Variants in CACNB2 observed in about 807,000 individuals in gnomAD.
CACNB2 encodes calcium voltage-gated channel auxiliary subunit beta 2.
In CACNB2, 42 loss-of-function variants were observed where a neutral mutation model predicts 73.3. That is an observed-to-expected ratio of 0.57 (90% CI 0.45 to 0.74). CACNB2 has a LOEUF of 0.74. Among genes scored for constraint, CACNB2 ranks in the 30% least tolerant of loss-of-function variants. The pLI, the probability that CACNB2 is intolerant of heterozygous loss-of-function variation, is 0.00. For synonymous variants in CACNB2, 348 were observed against 310.3 expected (o/e 1.12, Z -1.28); for missense variants, 940 against 853.0 (o/e 1.10, Z -1.27).
Position 18,141,104 on chromosome 10 carries a change from C to T in CACNB2, c.120+248C>T, listed in dbSNP as rs1263945121. 6 of 1,549,282 alleles carry T rather than the reference C, an allele frequency of 3.9e-6. No individual in the cohort carries two copies. The East Asian group carries it at 1.5e-4, about 38-fold the overall frequency. On this transcript the variant is annotated intron_variant, in intron 1 of 13. Coordinates refer to ENST00000324631, the MANE Select transcript of CACNB2 (RefSeq NM_201596.3). ...GTGGGGAAGGGCGGGGGAGACCTGC[C>T]AGTCCTCCCAGACTTCTCCCGGGTT...
At chr10:18,457,981 C>T (rs1477690028) in intron 3 of CACNB2, among the ~76,000 whole-genome samples, 1 of 152,116 alleles carries the variant, frequency 6.6e-6, no homozygotes, top group Non-Finnish European at 1.5e-5. Context: ...GTTCTCAACA[C>T]AGCTAATTGT....
chr10:18,261,419 G>A lies in CACNB2; in HGVS notation c.213+110444G>A. Reference sequence around the variant, plus strand: ...TTCAGCTGTTTTTATTCCCTGTGCTGAACCAACCAGACAGTCGATCATTTC... The same window carrying A: ...TTCAGCTGTTTTTATTCCCTGTGCTAAACCAACCAGACAGTCGATCATTTC... On this transcript the variant is annotated intron_variant, in intron 2 of 13. Coordinates refer to ENST00000324631, the MANE Select transcript of CACNB2 (RefSeq NM_201596.3). The A allele has an allele frequency of 2.7e-6, 4 of 1,465,910 alleles. No homozygotes were observed. In the Admixed American group the frequency reaches 5.9e-5, roughly 22 times the overall value. 90.8% of individuals were successfully genotyped at this position (1,465,910 alleles called of 1,614,324 possible).
At chr10:18,486,496 A>T (rs2049066291) in intron 3 of CACNB2, among the ~76,000 whole-genome samples, 1 of 152,246 alleles carries the variant, frequency 6.6e-6, no homozygotes, top group South Asian at 2.1e-4. Flanking sequence ...CACCTCTCTG[A>T]CAAGAGCCTG....
chr10:18,379,433 C>T (rs2042926221), intron 2 of CACNB2, among the ~76,000 whole-genome samples: 1 of 152,190 alleles, frequency 6.6e-6, no homozygotes, highest in African/African-American at 2.4e-5. Flanking sequence ...AGGCTGGTCT[C>T]GAACTCCTGA....
intron 2 of CACNB2, chr10:18,340,728 A>T (rs1242959263): frequency 2.7e-6 from 4 of 1,460,304 alleles, no homozygotes; most frequent in Non-Finnish European, 3.6e-6. Flanking sequence ...GTTCTGGAAC[A>T]GAGAGCTGTT....
chr10:18,251,954 C>A (rs1376780863), intron 2 of CACNB2, among the ~76,000 whole-genome samples: 1 of 152,096 alleles, frequency 6.6e-6, no homozygotes, highest in African/African-American at 2.4e-5. Flanking sequence ...GACACAGAGC[C>A]AAACCATATC....
At chr10:18,150,258 A>T (rs985371858) in intron 1 of CACNB2, among the ~76,000 whole-genome samples, 2 of 152,186 alleles carry the variant, frequency 1.3e-5, no homozygotes, top group East Asian at 3.8e-4. Flanking sequence ...CCTGTTTTAA[A>T]TGCTTATTTT....
chr10:18,328,562 C>T (rs1801459049), intron 2 of CACNB2, among the ~76,000 whole-genome samples: 1 of 152,190 alleles, frequency 6.6e-6, no homozygotes, highest in Admixed American at 6.5e-5. Flanking sequence ...TGTTTGTCTA[C>T]ACAGGCACTT....
At chr10:18,400,062 T>C (rs2043911901) in intron 2 of CACNB2, among the ~76,000 whole-genome samples, 1 of 152,178 alleles carries the variant, frequency 6.6e-6, no homozygotes, top group Admixed American at 6.5e-5. Flanking sequence ...AGTTTCTCAG[T>C]TGGAGAAGCA....
chr10:18,514,477 C>A (rs779038625), intron 7 of CACNB2, 108 bp downstream of exon 7: 8 of 1,613,646 alleles, frequency 5.0e-6, no homozygotes, highest in Non-Finnish European at 6.8e-6. Flanking sequence ...AACGTGCATG[C>A]TCTGTTATTT....
chr10:18,407,160 T>C (rs1047825044), intron 3 of CACNB2, among the ~76,000 whole-genome samples: 1 of 123,282 alleles, frequency 8.1e-6, no homozygotes, highest in African/African-American at 3.0e-5. Context: ...CCTCCCTCTG[T>C]CGCCCAGGCT....
At chr10:18,411,323 A>G (rs2044614794) in intron 3 of CACNB2, among the ~76,000 whole-genome samples, 1 of 152,130 alleles carries the variant, frequency 6.6e-6, no homozygotes, top group Admixed American at 6.6e-5. Context: ...CTGTTGACAT[A>G]TACTTATGAC....
chr10:18,308,364 G>T, intron 2 of CACNB2, among the ~76,000 whole-genome samples: 1 of 152,184 alleles, frequency 6.6e-6, no homozygotes, highest in East Asian at 1.9e-4. Context: ...TATAGGGAAG[G>T]ATTGCTATCA....
At chr10:18,181,022 A>G (rs1235075228) in intron 2 of CACNB2, among the ~76,000 whole-genome samples, 1 of 147,980 alleles carries the variant, frequency 6.8e-6, no homozygotes, top group Non-Finnish European at 1.5e-5. Context: ...AGCAGAGGCT[A>G]TTTTCCCCTC....
intron 2 of CACNB2, among the ~76,000 whole-genome samples, chr10:18,397,996 G>C (rs2043802283): frequency 6.6e-6 from 1 of 152,164 alleles, no homozygotes; most frequent in African/African-American, 2.4e-5. Context: ...TACTGCAAAA[G>C]ACCAGCTAAT....
chr10:18,401,985 G>T lies in CACNB2; in HGVS notation c.275G>T (p.Arg92Leu). The T allele has an allele frequency of 6.2e-7, 1 of 1,613,978 alleles. No homozygotes were observed. ...TCCGATGTATCTCTGGAGGAGGACC[G>T]GGAGGCAGTGCGCAGAGAAGCGGAG... ...SDSDVSLEED[R>L]EAVRREAERQ... Residue 92 changes from arginine (R) to leucine (L), a missense_variant, in exon 3 of 14, where the codon CGG becomes CTG. By Grantham distance (102) the Arg-to-Leu change is moderately radical. Transcript: ENST00000324631.
At chr10:18,286,122 C>T (rs1054159064) in intron 2 of CACNB2, among the ~76,000 whole-genome samples, 2 of 152,176 alleles carry the variant, frequency 1.3e-5, no homozygotes, top group Admixed American at 6.5e-5. Context: ...TAATCATTTT[C>T]TAACATTTTG....
chr10:18,283,964 G>C (rs1358041619), intron 2 of CACNB2, among the ~76,000 whole-genome samples: 1 of 151,912 alleles, frequency 6.6e-6, no homozygotes, highest in Non-Finnish European at 1.5e-5. Context: ...TTCCAAAACA[G>C]AAATTGTAGT....
intron 3 of CACNB2, among the ~76,000 whole-genome samples, chr10:18,477,835 T>C (rs1229988449): frequency 6.6e-6 from 1 of 152,180 alleles, no homozygotes; most frequent in Non-Finnish European, 1.5e-5. Flanking sequence ...TTAGTTGTAG[T>C]TGTCTGCTTA....
Sources: allele counts gnomAD v4.1 joint callset (sites outside exome capture counted in the v4.1 genomes callset), GRCh38; gene constraint gnomAD v4.1.1; transcripts MANE v1.5; gene names NCBI Gene and HGNC (gene_info 2026-07-23, HGNC 2026-07-21).